The following IL1RAPL1 variants were observed in gnomAD, a reference collection of about 807,000 sequenced individuals.
IL1RAPL1 encodes interleukin-1 receptor accessory protein-like 1.
Under a neutral mutation model 48.4 loss-of-function variants are expected in IL1RAPL1, and 3 were observed. That is an observed-to-expected ratio of 0.06 (90% CI 0.03 to 0.16). IL1RAPL1 has a LOEUF of 0.16. Among genes scored for constraint, IL1RAPL1 ranks in the 10% least tolerant of loss-of-function variants. The pLI is 1.00. For missense variants in IL1RAPL1, 349 were observed against 530.6 expected (o/e 0.66, Z 3.36); for synonymous variants, 185 against 187.7 (o/e 0.99, Z 0.12).
rs758836713 is a variant in IL1RAPL1, at chrX:29,683,058, TA to T, written c.778+14555del. Among the ~76,000 whole-genome samples, 3 of 112,161 alleles carry T rather than the reference TA, an allele frequency of 2.7e-5. No homozygotes were observed. In the South Asian group the frequency reaches 1.1e-3, roughly 41 times the overall value. On this transcript the variant is annotated intron_variant, in intron 6 of 10. Coordinates refer to ENST00000378993, the MANE Select transcript of IL1RAPL1 (RefSeq NM_014271.4). The stretch of plus-strand genomic sequence containing the variant: ...GTTCAGCTAGAAGACTGGTCAAGGG[TA>T]GAGACTTTTCACTGGCGTCTTGAGT...
At chrX:29,848,000 TA>T (rs755014547) in intron 6 of IL1RAPL1, among the ~76,000 whole-genome samples, 21 of 111,029 alleles carry the variant, frequency 1.9e-4, no homozygotes, top group Non-Finnish European at 3.2e-4. Flanking sequence ...TCTGATGTAA[TA>T]AAAAAAAGTT....
intron 5 of IL1RAPL1, among the ~76,000 whole-genome samples, chrX:29,634,300 C>T (rs181887709): frequency 2.1e-3 from 235 of 111,291 alleles, no homozygotes; most frequent in Middle Eastern, 9.1e-3. Flanking sequence ...AATGTCCCCA[C>T]TCTGGGCATC....
intron 5 of IL1RAPL1, among the ~76,000 whole-genome samples, chrX:29,446,462 A>C (rs1370602223): frequency 9.0e-6 from 1 of 111,580 alleles, no homozygotes; most frequent in African/African-American, 3.3e-5. Flanking sequence ...TTTAAGGGGG[A>C]AAAAGACCAA....
intron 2 of IL1RAPL1, among the ~76,000 whole-genome samples, chrX:29,282,068 C>T (rs1431463566): frequency 9.0e-6 from 1 of 111,240 alleles, no homozygotes; most frequent in East Asian, 2.8e-4. Flanking sequence ...TCATGACCCT[C>T]CTCATCTAAC....
chrX:29,741,271 T>G (rs1178453156), intron 6 of IL1RAPL1, among the ~76,000 whole-genome samples: 1 of 112,063 alleles, frequency 8.9e-6, no homozygotes, highest in Non-Finnish European at 1.9e-5. Flanking sequence ...AGGAGTCTTC[T>G]TAGTTCTATT....
intron 6 of IL1RAPL1, among the ~76,000 whole-genome samples, chrX:29,689,244 A>C (rs183941347): frequency 8.9e-6 from 1 of 111,737 alleles, no homozygotes; most frequent in Admixed American, 9.5e-5. Flanking sequence ...TAATGATTAC[A>C]GGCATACCTT....
chrX:29,023,713 C>T (rs1331448058), intron 2 of IL1RAPL1, among the ~76,000 whole-genome samples: 1 of 111,965 alleles, frequency 8.9e-6, no homozygotes, highest in Non-Finnish European at 1.9e-5. Context: ...CTTGAATTGC[C>T]ACTTATGTCT....
chrX:29,049,508 G>C lies in IL1RAPL1; in HGVS notation c.83-233430G>C, dbSNP rs765682961. ...TGGAACCGTGAAGATAGGGAGCCCT[G>C]ACCCTTTCATTTTCTGTTCCGTACA... On this transcript the variant is annotated intron_variant, in intron 2 of 10. Coordinates refer to ENST00000378993, the MANE Select transcript of IL1RAPL1 (RefSeq NM_014271.4). Among the ~76,000 whole-genome samples the C allele has an allele frequency of 2.7e-5, 3 of 111,728 alleles. No individual in the cohort carries two copies. In the East Asian group the frequency reaches 8.5e-4, roughly 32 times the overall value.
intron 1 of IL1RAPL1, among the ~76,000 whole-genome samples, chrX:28,756,611 C>T (rs1361602795): frequency 8.9e-6 from 1 of 112,169 alleles, no homozygotes; most frequent in Non-Finnish European, 1.9e-5. Context: ...TACTTAATCA[C>T]TTTTTCAAAA....
At chrX:29,572,641 C>T (rs1922631856) in intron 5 of IL1RAPL1, among the ~76,000 whole-genome samples, 1 of 112,442 alleles carries the variant, frequency 8.9e-6, no homozygotes, top group South Asian at 3.6e-4. Context: ...AAAAATGGTT[C>T]TATGGTCAAA....
intron 3 of IL1RAPL1, among the ~76,000 whole-genome samples, chrX:29,334,862 C>T (rs1285932827): frequency 1.8e-5 from 2 of 112,858 alleles, no homozygotes; most frequent in African/African-American, 3.2e-5. Context: ...CTCCTCACTT[C>T]CCAGACGGGT....
At chrX:29,167,557 T>G (rs935712127) in intron 2 of IL1RAPL1, among the ~76,000 whole-genome samples, 3 of 110,690 alleles carry the variant, frequency 2.7e-5, no homozygotes, top group African/African-American at 9.8e-5. Context: ...GAGAAGACAC[T>G]ATGTTATTTT....
chrX:28,946,772 A>G (rs1011432612), intron 2 of IL1RAPL1, among the ~76,000 whole-genome samples: 2 of 111,450 alleles, frequency 1.8e-5, no homozygotes, highest in Non-Finnish European at 3.8e-5. Flanking sequence ...GGCAGTGTCC[A>G]TATGTTTTGA....
At chrX:29,353,753 A>G (rs1345379104) in intron 3 of IL1RAPL1, among the ~76,000 whole-genome samples, 3 of 110,639 alleles carry the variant, frequency 2.7e-5, no homozygotes, top group Non-Finnish European at 5.7e-5. Flanking sequence ...AGGATGAAAC[A>G]CTTGAAAAAT....
intron 2 of IL1RAPL1, among the ~76,000 whole-genome samples, chrX:29,204,202 T>C (rs1378965965): frequency 8.9e-6 from 1 of 111,887 alleles, no homozygotes; most frequent in Non-Finnish European, 1.9e-5. Flanking sequence ...ATCTCTTCAA[T>C]ATACTAATCG....
At chrX:29,335,782 T>C (rs1020805280) in intron 3 of IL1RAPL1, among the ~76,000 whole-genome samples, 21 of 111,751 alleles carry the variant, frequency 1.9e-4, no homozygotes, top group African/African-American at 6.5e-4. Flanking sequence ...GTGACAGCTA[T>C]TTTTCTATTT....
At chrX:28,665,605 C>T (rs769444990) in intron 1 of IL1RAPL1, among the ~76,000 whole-genome samples, 122 of 110,580 alleles carry the variant, frequency 1.1e-3, no homozygotes, top group Non-Finnish European at 1.5e-3. Context: ...ATTCTCATGC[C>T]TTAGCCTCCT....
At chrX:29,362,218 A>G (rs1933386251) in intron 3 of IL1RAPL1, among the ~76,000 whole-genome samples, 2 of 112,395 alleles carry the variant, frequency 1.8e-5, no homozygotes, top group South Asian at 3.6e-4. Context: ...GTTGAAATGT[A>G]TTTCTTCTTA....
At chrX:29,112,803 T>G (rs999584219) in intron 2 of IL1RAPL1, among the ~76,000 whole-genome samples, 7 of 102,233 alleles carry the variant, frequency 6.8e-5, no homozygotes, top group Non-Finnish European at 1.2e-4. Flanking sequence ...GTTTTTTTTT[T>G]TTTTTTTTTT....
Sources: gnomAD v4.1 joint callset for allele counts (sites outside exome capture counted in the v4.1 genomes callset) on GRCh38, gnomAD v4.1.1 for gene constraint, MANE v1.5 for transcripts, NCBI Gene and HGNC (gene_info 2026-07-23, HGNC 2026-07-21) for gene names.